NEURL1B: variants seen among roughly 807,000 people sequenced by gnomAD.
NEURL1B encodes the protein E3 ubiquitin-protein ligase NEURL1B.
NEURL1B carries 13 observed loss-of-function variants against 37.4 expected under a neutral mutation model. The observed-to-expected ratio is 0.35, with a 90% confidence interval of 0.23 to 0.55. The LOEUF (loss-of-function observed/expected upper bound fraction) is 0.55, where lower values mean the gene tolerates loss of function less well. NEURL1B is among the 20% of genes least tolerant of loss of function. The probability of loss-of-function intolerance (pLI) is 0.89; values close to 1 mark genes in which losing one functional copy is unlikely to be tolerated. For synonymous variants in NEURL1B, 432 were observed against 426.6 expected (o/e 1.01, Z -0.16); for missense variants, 790 against 879.2 (o/e 0.90, Z 1.28).
chr5:172,669,978 C>A lies in NEURL1B; in HGVS notation c.225C>A (p.Pro75=). ...ATGGCGTCACGTTCACGCAGCGGCC[C>A]ATCCGGCTGTACGAGCAGGTGCGGC... ...FCNGVTFTQR[P]IRLYEQVRLR... Residue 75 remains proline (P), a synonymous_variant, in exon 2 of 5, where the codon CCC becomes CCA. Transcript: ENST00000369800. 4.1e-6 allele frequency: 6 copies of A among 1,464,280 alleles called. No individual in the cohort carries two copies. Among genetic ancestry groups the A allele is most frequent in the Non-Finnish European group, 4.5e-6 (5 of 1,114,150 alleles). 90.7% of individuals were successfully genotyped at this position (1,464,280 alleles called of 1,614,324 possible).
chr5:172,648,155 C>T (rs180822248), intron 1 of NEURL1B, among the ~76,000 whole-genome samples: 121 of 152,310 alleles, frequency 7.9e-4, no homozygotes, highest in Admixed American at 3.9e-3. Flanking sequence ...GTCTGGGCCT[C>T]GCCCCTTTTT....
rs1581422264 is a variant in NEURL1B at position 172,654,354 on chromosome 5, C to A, written c.31+12917C>A. Among the ~76,000 whole-genome samples, 3 of 152,184 alleles carry A rather than the reference C, an allele frequency of 2.0e-5. No homozygotes were observed. In the South Asian group the frequency reaches 6.2e-4, roughly 32 times the overall value. On this transcript the variant is annotated intron_variant, in intron 1 of 4. Coordinates refer to ENST00000369800, the MANE Select transcript of NEURL1B (RefSeq NM_001142651.3). ...AAGAGTTTCCTTATCAATTACTGAACACCTATTGTGTCTTTTTCCCTCAAT... is the reference window on the plus strand; with the variant it reads ...AAGAGTTTCCTTATCAATTACTGAAAACCTATTGTGTCTTTTTCCCTCAAT...
chr5:172,662,958 G>A (rs997163369), intron 1 of NEURL1B, among the ~76,000 whole-genome samples: 1 of 150,614 alleles, frequency 6.6e-6, no homozygotes, highest in Non-Finnish European at 1.5e-5. Flanking sequence ...TGGGCATGGT[G>A]GCTCATGCCT....
chr5:172,647,828 C>T lies in NEURL1B; in HGVS notation c.31+6391C>T, dbSNP rs1757587983. Among the ~76,000 whole-genome samples the T allele has an allele frequency of 1.3e-5, 2 of 152,062 alleles. No homozygotes were observed. Among genetic ancestry groups the T allele is most frequent in the Non-Finnish European group, 1.5e-5 (1 of 68,002 alleles). ...TTGAGTTCTGTGCTCCTTCTTCCTG[C>T]CCAACTAGGACTCAGGCTCCTGACT... On this transcript the variant is annotated intron_variant, in intron 1 of 4. Coordinates refer to ENST00000369800, the MANE Select transcript of NEURL1B (RefSeq NM_001142651.3). This position sits in a 1 kb window ranked among gnomAD's most constrained non-coding sequence, Gnocchi z 4.2.
chr5:172,683,503 C>T lies in NEURL1B; in HGVS notation c.662C>T (p.Ala221Val), dbSNP rs1364972400. ...TGCCTGCCGCCCAGCAGCCACGACG[C>T]GGCCAACTTCGACAACAACGAGCTC... ...SACLPPSSHD[A>V]ANFDNNELEN... The change falls in exon 3 of 5, where the codon GCG becomes GTG. Residue 221 changes from alanine (A) to valine (V), a missense_variant. Around this residue, in one of 3 missense-constraint regions of NEURL1B, gnomAD observed 460 missense variants for 407.4 expected, o/e 1.13. Transcript: ENST00000369800. This position sits in a 1 kb window ranked among gnomAD's most constrained non-coding sequence, Gnocchi z 5.6. 1.7e-5 allele frequency: 25 copies of T among 1,502,272 alleles called. No individual in the cohort carries two copies. The highest frequency in any genetic ancestry group is 2.2e-5 in the Non-Finnish European group (25 of 1,130,740). 93.1% of individuals were successfully genotyped at this position (1,502,272 alleles called of 1,614,324 possible).
intron 1 of NEURL1B, among the ~76,000 whole-genome samples, chr5:172,644,960 G>A (rs948454646): frequency 3.9e-5 from 6 of 152,268 alleles, no homozygotes; most frequent in Admixed American, 6.5e-5. Flanking sequence ...GGGCTCACCT[G>A]CAGCTCTGGT....
At chr5:172,646,163 G>A (rs748425231) in intron 1 of NEURL1B, among the ~76,000 whole-genome samples, 3 of 152,148 alleles carry the variant, frequency 2.0e-5, no homozygotes, top group Non-Finnish European at 2.9e-5. Context: ...GTGTTATGGT[G>A]TTAGACTCAG....
intron 2 of NEURL1B, among the ~76,000 whole-genome samples, chr5:172,681,880 C>T (rs977654415): frequency 2.4e-4 from 37 of 152,202 alleles, no homozygotes; most frequent in African/African-American, 8.7e-4. Flanking sequence ...AAGTCTAAAA[C>T]ACTTATTTTC....
chr5:172,654,802 T>G (rs973247177), intron 1 of NEURL1B, among the ~76,000 whole-genome samples: 1 of 152,216 alleles, frequency 6.6e-6, no homozygotes, highest in Admixed American at 6.5e-5. Flanking sequence ...TTGTTTACAC[T>G]GACAACAAAG....
chr5:172,651,403 T>G (rs1248387759), intron 1 of NEURL1B, among the ~76,000 whole-genome samples: 1 of 152,182 alleles, frequency 6.6e-6, no homozygotes, highest in Admixed American at 6.5e-5. Context: ...GAGGGTATTA[T>G]TCCTTTCCAT....
chr5:172,647,389 C>T lies in NEURL1B; in HGVS notation c.31+5952C>T, dbSNP rs551091219. Among the ~76,000 whole-genome samples, 27 of 152,210 alleles carry T rather than the reference C, an allele frequency of 1.8e-4. No individual in the cohort carries two copies. The highest frequency in any genetic ancestry group is 8.3e-4 in the South Asian group (4 of 4,828). On this transcript the variant is annotated intron_variant, in intron 1 of 4. Transcript: ENST00000369800. This position sits in a 1 kb window ranked among gnomAD's most constrained non-coding sequence, Gnocchi z 4.2. ...CATTGAAGCCGTCATGAGAGCCTTGCGAGGCAGTCTTCTCATGTCACAGAA... is the reference window on the plus strand; with the variant it reads ...CATTGAAGCCGTCATGAGAGCCTTGTGAGGCAGTCTTCTCATGTCACAGAA...
intron 2 of NEURL1B, among the ~76,000 whole-genome samples, chr5:172,671,668 T>C (rs1275988607): frequency 2.6e-5 from 4 of 152,384 alleles, no homozygotes; most frequent in Non-Finnish European, 5.9e-5. Context: ...TGCTAAGTAG[T>C]AGCCCATGAA....
In NEURL1B at chr5:172,644,013, A is replaced by G. The variant is rs141630905; in HGVS notation, c.31+2576A>G. Among the ~76,000 whole-genome samples the G allele has an allele frequency of 6.8e-4, 103 of 151,370 alleles. No individual in the cohort carries two copies. In the East Asian group the frequency reaches 0.018, roughly 26 times the overall value. ...GCCTGCTGTTGCCCCAACCCCACTCACTCCTTTGACCCAGCTTTAAGTTTC... is the reference window on the plus strand; with the variant it reads ...GCCTGCTGTTGCCCCAACCCCACTCGCTCCTTTGACCCAGCTTTAAGTTTC... On this transcript the variant is annotated intron_variant, in intron 1 of 4. Transcript: ENST00000369800.
rs1758219574 is a variant in NEURL1B, at chr5:172,675,657, T to G, written c.577+5327T>G. ...TTCTCCCTGTGGCTCCAGGAAGCATTTATCACAGGTGGAATATCCCTTGTC... is the reference window on the plus strand; with the variant it reads ...TTCTCCCTGTGGCTCCAGGAAGCATGTATCACAGGTGGAATATCCCTTGTC... On this transcript the variant is annotated intron_variant, in intron 2 of 4. Coordinates refer to ENST00000369800, the MANE Select transcript of NEURL1B (RefSeq NM_001142651.3). The surrounding 1 kb of genome is among the most constrained non-coding windows in gnomAD (Gnocchi z 4.7). Among the ~76,000 whole-genome samples the G allele has an allele frequency of 2.0e-5, 3 of 152,112 alleles. No individual in the cohort carries two copies. The highest frequency in any genetic ancestry group is 2.0e-4 in the Admixed American group (3 of 15,272).
intron 1 of NEURL1B, among the ~76,000 whole-genome samples, chr5:172,648,376 A>G (rs1172923262): frequency 6.6e-6 from 1 of 152,208 alleles, no homozygotes; most frequent in Non-Finnish European, 1.5e-5. Context: ...GACACAAAAG[A>G]ATAACCACTA....
chr5:172,642,153 C>T (rs1262206761), intron 1 of NEURL1B, among the ~76,000 whole-genome samples: 1 of 152,218 alleles, frequency 6.6e-6, no homozygotes, highest in Non-Finnish European at 1.5e-5. Flanking sequence ...ATCAGCGGTC[C>T]CGCGCCCGCG....
rs779539166 is a variant in NEURL1B at position 172,686,268 on chromosome 5, GTCC to G, written c.1401_1403del (p.Ser468del). 9 of 1,551,700 alleles carry G rather than the reference GTCC, an allele frequency of 5.8e-6. 1 individual carries two copies. The South Asian group carries it at 7.1e-5, about 12-fold the overall frequency. ...CAGATATGACCTTCAGTGTCAACCA[GTCC>G]TCCTCGGCATCTGAGTCATCCCTGG... On this transcript the variant is annotated inframe_deletion, in exon 4 of 5. Coordinates refer to ENST00000369800, the MANE Select transcript of NEURL1B (RefSeq NM_001142651.3). This position sits in a 1 kb window ranked among gnomAD's most constrained non-coding sequence, Gnocchi z 7.9.
In NEURL1B at chr5:172,670,089, G is replaced by C. The variant is rs1277430274; in HGVS notation, c.336G>C (p.Gln112His). ...TAHDPSLMSA[Q>H]DIPKYACPDL... ...ACGATCCGTCGCTCATGAGCGCCCA[G>C]GACATCCCCAAGTACGCCTGCCCGG... The change falls in exon 2 of 5, where the codon CAG (glutamine) becomes CAC (histidine). Residue 112 changes from glutamine (Q) to histidine (H), a missense_variant. Around this residue, in one of 3 missense-constraint regions of NEURL1B, gnomAD observed 215 missense variants for 309.2 expected, o/e 0.70. Transcript: ENST00000369800. The C allele has an allele frequency of 2.0e-6, 3 of 1,525,992 alleles. No homozygotes were observed. The Admixed American group carries it at 6.1e-5, about 31-fold the overall frequency. The allele number at this position is 1,525,992 out of a possible 1,614,324, so 94.5% of individuals were successfully genotyped here. A position where few individuals can be genotyped will look rare whatever the true frequency, so the allele number is the denominator to read the frequency against.
At chr5:172,684,350 C>T (rs1024708148) in intron 3 of NEURL1B, among the ~76,000 whole-genome samples, 27 of 152,150 alleles carry the variant, frequency 1.8e-4, no homozygotes, top group African/African-American at 6.3e-4. Flanking sequence ...AGTGGGTGCA[C>T]GGTGCGCCCC....
Sources: gnomAD v4.1 joint callset for allele counts (sites outside exome capture counted in the v4.1 genomes callset) on GRCh38, gnomAD v4.1.1 for gene constraint, gnomAD v4.1.1 regional missense constraint, Gnocchi (gnomAD v3.1) non-coding constraint, MANE v1.5 for transcripts, NCBI Gene and HGNC (gene_info 2026-07-23, HGNC 2026-07-21) for gene names.